The following SLC25A14 variants were observed in gnomAD, a reference collection of about 807,000 sequenced individuals.
SLC25A14 encodes solute carrier family 25 member 14.
Under a neutral mutation model 28.1 loss-of-function variants are expected in SLC25A14, and 8 were observed. The observed-to-expected ratio is 0.28, with a 90% CI of 0.17 to 0.51. The LOEUF (loss-of-function observed/expected upper bound fraction) is 0.51, where lower values mean the gene tolerates loss of function less well. SLC25A14 is among the 20% of genes least tolerant of loss of function. SLC25A14 has a pLI of 0.97. For synonymous variants in SLC25A14, 74 were observed against 90.6 expected (o/e 0.82, Z 1.04); for missense variants, 135 against 263.8 (o/e 0.51, Z 3.38).
At chrX:130,357,446 G>C (rs2033827646) in intron 6 of SLC25A14, among the ~76,000 whole-genome samples, 2 of 111,789 alleles carry the variant, frequency 1.8e-5, no homozygotes, top group Admixed American at 1.9e-4. Flanking sequence ...CCTAAGAAAA[G>C]TACTTCACTT....
intron 5 of SLC25A14, 56 bp downstream of exon 5, chrX:130,349,401 C>A: frequency 5.2e-6 from 4 of 773,748 alleles, no homozygotes; most frequent in Non-Finnish European, 7.7e-6. Context: ...TGAAATCATG[C>A]TTAGTGAGAA....
chrX:130,352,461 A>C (rs1465976018), intron 6 of SLC25A14, among the ~76,000 whole-genome samples: 1 of 112,060 alleles, frequency 8.9e-6, no homozygotes, highest in Non-Finnish European at 1.9e-5. Context: ...GTTGAATGGT[A>C]GCTCTCTGTT....
At chrX:130,369,569 G>GA (rs2034214255) in intron 9 of SLC25A14, among the ~76,000 whole-genome samples, 1 of 112,140 alleles carries the variant, frequency 8.9e-6, no homozygotes, top group Non-Finnish European at 1.9e-5. Flanking sequence ...CAGTAGTGGG[G>GA]AACTACTTCA....
chrX:130,365,016 C>A, intron 8 of SLC25A14: 1 of 810,118 alleles, frequency 1.2e-6, no homozygotes, highest in Non-Finnish European at 1.5e-6. Context: ...CCATACATAG[C>A]TTCTATATCT....
At chrX:130,359,630 T>C (rs1442521393) in intron 7 of SLC25A14, among the ~76,000 whole-genome samples, 1 of 110,343 alleles carries the variant, frequency 9.1e-6, no homozygotes, top group Non-Finnish European at 1.9e-5. Flanking sequence ...TAGTAGAATA[T>C]ACAGAGAGAG....
chrX:130,351,055 A>G (rs1296899008), intron 6 of SLC25A14, among the ~76,000 whole-genome samples: 2 of 111,514 alleles, frequency 1.8e-5, no homozygotes, highest in Non-Finnish European at 3.8e-5. Flanking sequence ...GTTCTTTCCA[A>G]GGGCTATGCA....
At chrX:130,371,906 A>G (rs1390822805) in intron 10 of SLC25A14, among the ~76,000 whole-genome samples, 1 of 112,414 alleles carries the variant, frequency 8.9e-6, no homozygotes, top group Non-Finnish European at 1.9e-5. Flanking sequence ...GGGGCTATGA[A>G]GTTTTTAGAA....
intron 5 of SLC25A14, 70 bp downstream of exon 5, chrX:130,349,415 T>C (rs2033557852): frequency 1.4e-6 from 1 of 692,435 alleles, no homozygotes; most frequent in African/African-American, 2.1e-5. Context: ...GTGAGAAATG[T>C]TGGTCATGAG....
chrX:130,354,095 C>CTTTT (rs747971751), intron 6 of SLC25A14, among the ~76,000 whole-genome samples: 7 of 97,032 alleles, frequency 7.2e-5, no homozygotes, highest in African/African-American at 2.6e-4. Flanking sequence ...CTTTTTCATT[C>CTTTT]TTTTTTTTTT....
At chrX:130,365,468 C>T (rs1033636772) in intron 8 of SLC25A14, 73 bp from the exon 9 acceptor site, 6 of 1,187,187 alleles carry the variant, frequency 5.1e-6, no homozygotes, top group Admixed American at 4.5e-5. Context: ...GTACAGTTTA[C>T]GTTTGGCCTA....
chrX:130,345,641 C>T (rs2124746521), intron 3 of SLC25A14, among the ~76,000 whole-genome samples: 1 of 111,157 alleles, frequency 9.0e-6, no homozygotes, highest in East Asian at 2.8e-4. Flanking sequence ...TCCTTTTTTT[C>T]AAACCTCTTT....
intron 7 of SLC25A14, 33 bp downstream of exon 7, chrX:130,358,768 T>C: frequency 5.2e-6 from 5 of 956,051 alleles, no homozygotes; most frequent in Non-Finnish European, 7.4e-6. Context: ...TATCCTACAC[T>C]CTCAGTTCCT....
rs1326068308 is a variant in SLC25A14, at chrX:130,364,671, T to C, written c.638T>C (p.Val213Ala). The C allele has an allele frequency of 8.3e-7, 1 of 1,209,241 alleles. No homozygotes were observed. Among genetic ancestry groups the C allele is most frequent in the Admixed American group, 2.2e-5 (1 of 45,933 alleles). Reference protein sequence around the residue: ...TAQRAAIVVGVELPVYDITKK... With the variant: ...TAQRAAIVVGAELPVYDITKK... The stretch of plus-strand genomic sequence containing the variant: ...CAGCGTGCTGCCATCGTTGTAGGAG[T>C]AGAGCTACCAGTCTATGATATTACT... Residue 213 changes from valine to alanine, a missense_variant, in exon 8 of 11, where the codon GTA (valine) becomes GCA (alanine). Physicochemically the swap from Val to Ala is moderately conservative, Grantham distance 64. Coordinates refer to ENST00000545805, the MANE Select transcript of SLC25A14 (RefSeq NM_001282195.2).
chrX:130,361,528 C>T (rs1394886802), intron 7 of SLC25A14, among the ~76,000 whole-genome samples: 1 of 112,687 alleles, frequency 8.9e-6, no homozygotes, highest in East Asian at 2.8e-4. Context: ...TTTCTTCAAA[C>T]GTGCTCATCT....
intron 2 of SLC25A14, among the ~76,000 whole-genome samples, chrX:130,343,473 G>A (rs1395554373): frequency 2.7e-5 from 3 of 111,728 alleles, no homozygotes; most frequent in Non-Finnish European, 1.9e-5. Flanking sequence ...CCCTCAAAAG[G>A]GCTATCTATC....
At chrX:130,342,573 A>G (rs1025908646) in intron 2 of SLC25A14, among the ~76,000 whole-genome samples, 5 of 111,860 alleles carry the variant, frequency 4.5e-5, no homozygotes, top group Admixed American at 9.5e-5. Context: ...TTGGCTCAAT[A>G]TGAGGAGGGA....
chrX:130,344,050 A>G (rs1409468117), intron 2 of SLC25A14, among the ~76,000 whole-genome samples: 1 of 112,307 alleles, frequency 8.9e-6, no homozygotes, highest in Non-Finnish European at 1.9e-5. Context: ...TGAAATTCAG[A>G]AGTATACATA....
At chrX:130,359,705 A>G (rs189224811) in intron 7 of SLC25A14, among the ~76,000 whole-genome samples, 2 of 111,425 alleles carry the variant, frequency 1.8e-5, no homozygotes. Context: ...TTTCTTTATA[A>G]TTTTTCATAA....
At chrX:130,358,095 T>C (rs769698326) in intron 6 of SLC25A14, among the ~76,000 whole-genome samples, 1 of 112,086 alleles carries the variant, frequency 8.9e-6, no homozygotes, top group African/African-American at 3.2e-5. Flanking sequence ...CTCTTTGCTG[T>C]GCTTATGGAT....
Sources: gnomAD v4.1 joint callset for allele counts (sites outside exome capture counted in the v4.1 genomes callset) on GRCh38, gnomAD v4.1.1 for gene constraint, MANE v1.5 for transcripts, NCBI Gene and HGNC (gene_info 2026-07-23, HGNC 2026-07-21) for gene names.